PRIM2: variants seen among roughly 807,000 people sequenced by gnomAD.
PRIM2 encodes DNA primase large subunit.
A neutral mutation model predicts 67.3 loss-of-function variants in PRIM2; 39 were observed. That is an observed-to-expected ratio of 0.58 (90% confidence interval 0.45 to 0.76). PRIM2 has a LOEUF of 0.76. PRIM2 is among the 30% of genes least tolerant of loss of function. The pLI, the probability that PRIM2 is intolerant of heterozygous loss-of-function variation, is 0.00. For synonymous variants in PRIM2, 143 were observed against 198.7 expected (o/e 0.72, Z 2.36); for missense variants, 398 against 598.7 (o/e 0.66, Z 3.50).
At chr6:57,568,927 T>C (rs1775803629) in intron 10 of PRIM2, among the ~76,000 whole-genome samples, 2 of 152,202 alleles carry the variant, frequency 1.3e-5, no homozygotes, top group Non-Finnish European at 2.9e-5. Flanking sequence ...TCTCCCCAGC[T>C]AAAGGAAAGA....
chr6:57,360,601 G>A (rs990826374), intron 5 of PRIM2, among the ~76,000 whole-genome samples: 1 of 152,182 alleles, frequency 6.6e-6, no homozygotes, highest in African/African-American at 2.4e-5. Flanking sequence ...AGGAATGGGA[G>A]TATCGTGGAT....
At chr6:57,570,112 C>G (rs1775833969) in intron 10 of PRIM2, among the ~76,000 whole-genome samples, 1 of 152,146 alleles carries the variant, frequency 6.6e-6, no homozygotes, top group Non-Finnish European at 1.5e-5. Flanking sequence ...GTATGTACAT[C>G]AGAAACCATA....
At chr6:57,432,175 T>C (rs1363442372) in intron 7 of PRIM2, among the ~76,000 whole-genome samples, 1 of 152,160 alleles carries the variant, frequency 6.6e-6, no homozygotes, top group Non-Finnish European at 1.5e-5. Context: ...TTGCCAACAA[T>C]TGGACTAAAT....
chr6:57,585,652 G>T (rs1295009784), intron 10 of PRIM2, among the ~76,000 whole-genome samples: 2 of 152,158 alleles, frequency 1.3e-5, no homozygotes, highest in African/African-American at 2.4e-5. Flanking sequence ...AATATTGAAG[G>T]TGAACAGATA....
At chr6:57,256,714 T>TCACACA in the PRIM2 span, among the ~76,000 whole-genome samples, 478 of 134,466 alleles carry the variant, frequency 3.6e-3, 2 homozygotes, top group Admixed American at 5.6e-3. Context: ...TCTCTCACTT[T>TCACACA]CACACACACA....
chr6:57,508,625 C>G (rs1258539043), intron 8 of PRIM2, among the ~76,000 whole-genome samples: 1 of 152,092 alleles, frequency 6.6e-6, no homozygotes, highest in Non-Finnish European at 1.5e-5. Flanking sequence ...CTTATTCTAC[C>G]TATACACTTA....
the PRIM2 span, among the ~76,000 whole-genome samples, chr6:57,278,560 G>A: frequency 6.6e-6 from 1 of 152,140 alleles, no homozygotes; most frequent in South Asian, 2.1e-4. Flanking sequence ...CAACTTTAAT[G>A]TTTTGACAGG....
At chr6:57,587,126 C>T (rs1776203236) in intron 10 of PRIM2, 2 of 152,188 alleles carry the variant, frequency 1.3e-5, no homozygotes, top group African/African-American at 4.8e-5. Flanking sequence ...GTGGTCTTTT[C>T]TTGCCATTGC....
intron 13 of PRIM2, among the ~76,000 whole-genome samples, chr6:57,644,358 A>G (rs1777297064): frequency 6.6e-6 from 1 of 152,046 alleles, no homozygotes; most frequent in Admixed American, 6.5e-5. Context: ...CAACTCAAAT[A>G]GCACTCCTCT....
intron 8 of PRIM2, among the ~76,000 whole-genome samples, chr6:57,519,276 AGATCAACTGGTCT>A (rs1201566002): frequency 1.3e-5 from 2 of 152,184 alleles, no homozygotes; most frequent in Admixed American, 1.3e-4. Context: ...CGGGTTTTTG[AGATCAACTGGTCT>A]GACCAAAATT....
the PRIM2 span, among the ~76,000 whole-genome samples, chr6:57,255,224 T>C: frequency 6.6e-6 from 1 of 151,998 alleles, no homozygotes; most frequent in Non-Finnish European, 1.5e-5. Flanking sequence ...TTGGGCCGGG[T>C]GTGGTGGTGC....
chr6:57,642,387 T>G (rs1439297421), intron 13 of PRIM2, among the ~76,000 whole-genome samples: 1 of 149,706 alleles, frequency 6.7e-6, no homozygotes, highest in African/African-American at 2.4e-5. Flanking sequence ...AAAATATTAA[T>G]TAAAATGAGG....
At chr6:57,411,724 T>C (rs1434358734) in intron 7 of PRIM2, among the ~76,000 whole-genome samples, 1 of 152,238 alleles carries the variant, frequency 6.6e-6, no homozygotes, top group Non-Finnish European at 1.5e-5. Flanking sequence ...TTTTTATATA[T>C]TACTGAATTT....
At chr6:57,456,699 T>C (rs1772797261) in intron 7 of PRIM2, among the ~76,000 whole-genome samples, 1 of 152,176 alleles carries the variant, frequency 6.6e-6, no homozygotes, top group Non-Finnish European at 1.5e-5. Context: ...AGTTTTTTTT[T>C]TCAAGGTTTT....
chr6:57,476,225 A>G (rs1157874829), intron 7 of PRIM2, among the ~76,000 whole-genome samples: 1 of 152,200 alleles, frequency 6.6e-6, no homozygotes, highest in Non-Finnish European at 1.5e-5. Flanking sequence ...CTTGAAGGTC[A>G]TGGGTCATAA....
chr6:57,410,358 GAAAGA>G (rs1771048651), intron 7 of PRIM2, among the ~76,000 whole-genome samples: 1 of 146,736 alleles, frequency 6.8e-6, no homozygotes, highest in African/African-American at 2.5e-5. Flanking sequence ...AAGAAAGAAA[GAAAGA>G]AAAGAAAAGA....
upstream of PRIM2, among the ~76,000 whole-genome samples, chr6:57,313,015 T>C (rs991200734): frequency 6.6e-6 from 1 of 152,212 alleles, no homozygotes; most frequent in African/African-American, 2.4e-5. Context: ...GGGACCATGT[T>C]TGGGTTTTCT....
rs560556285 is a variant in PRIM2, at chr6:57,413,365, G to T, written c.693+31197G>T. Among the ~76,000 whole-genome samples the T allele has an allele frequency of 1.6e-3, 241 of 151,796 alleles. 1 individual carries two copies. Among genetic ancestry groups the T allele is most frequent in the Admixed American group, 3.9e-3 (60 of 15,228 alleles). On this transcript the variant is annotated intron_variant, in intron 7 of 13. Transcript: ENST00000615550. ...TTGGTATATAACTTTTCCATAGTAG[G>T]TAAGTTTATTTATAACCTATTTGTT...
intron 7 of PRIM2, among the ~76,000 whole-genome samples, chr6:57,489,412 C>A: frequency 6.6e-6 from 1 of 152,282 alleles, no homozygotes; most frequent in Non-Finnish European, 1.5e-5. Context: ...AAAAACTAAG[C>A]TGGGCGTGGT....
Sources: allele counts gnomAD v4.1 joint callset (sites outside exome capture counted in the v4.1 genomes callset), GRCh38; gene constraint gnomAD v4.1.1; transcripts MANE v1.5; gene names NCBI Gene and HGNC (gene_info 2026-07-23, HGNC 2026-07-21).